Variants in STPG2 observed in about 807,000 individuals in gnomAD.
STPG2 encodes the protein sperm-tail PG-rich repeat-containing protein 2.
STPG2 carries 56 observed loss-of-function variants against 54.2 expected under a neutral mutation model. The ratio of observed to expected loss-of-function variants is 1.03; its 90% confidence interval spans 0.83 to 1.29. The LOEUF (loss-of-function observed/expected upper bound fraction) is 1.29, where lower values mean the gene tolerates loss of function less well. STPG2 is among the 50% of genes most tolerant of loss of function. STPG2 has a pLI of 0.00. For missense variants in STPG2, 596 were observed against 544.9 expected (o/e 1.09, Z -0.93); for synonymous variants, 200 against 181.8 (o/e 1.10, Z -0.81).
chr4:98,069,438 C>T (rs780777161), intron 5 of STPG2, among the ~76,000 whole-genome samples: 8 of 151,904 alleles, frequency 5.3e-5, no homozygotes, highest in Non-Finnish European at 8.8e-5. Context: ...TGATTTGTTG[C>T]AATTAGTGTG....
chr4:97,634,873 C>T (rs2148937377), intron 10 of STPG2, among the ~76,000 whole-genome samples: 1 of 151,496 alleles, frequency 6.6e-6, no homozygotes, highest in East Asian at 1.9e-4. Context: ...ATTGGTGTAC[C>T]TGAAAGTGAT....
chr4:98,104,731 A>G (rs908509737), intron 5 of STPG2, among the ~76,000 whole-genome samples: 3 of 152,164 alleles, frequency 2.0e-5, no homozygotes, highest in Non-Finnish European at 4.4e-5. Flanking sequence ...ACATTTTTTA[A>G]ATTATGTATT....
chr4:97,877,352 C>T (rs1730214807), intron 8 of STPG2, among the ~76,000 whole-genome samples: 2 of 152,098 alleles, frequency 1.3e-5, no homozygotes, highest in African/African-American at 4.8e-5. Flanking sequence ...AGGACATGAA[C>T]ACACATTTCT....
chr4:98,109,251 C>G lies in STPG2; in HGVS notation c.442G>C (p.Gly148Arg), dbSNP rs747040270. 4.3e-6 allele frequency: 7 copies of G among 1,611,272 alleles called. No homozygotes were observed. The Admixed American group carries it at 1.2e-4, about 27-fold the overall frequency. The change falls in exon 4 of 11, where the codon GGA (glycine) becomes CGA (arginine). Residue 148 changes from glycine (G) to arginine (R), a missense_variant. Physicochemically the swap from Gly to Arg is moderately radical, Grantham distance 125. Transcript: ENST00000295268. ...GACTTTTTAGGTAACTCTTGTCTTC[C>G]TGAAGAGTTGCCAAAATGTATACCT... ...YKGIHFGNSSGRQELPKKSGP... is the reference protein window; with the variant it reads ...YKGIHFGNSSRRQELPKKSGP...
intron 5 of STPG2, among the ~76,000 whole-genome samples, chr4:98,035,903 A>C (rs1445757845): frequency 6.6e-6 from 1 of 152,064 alleles, no homozygotes; most frequent in Non-Finnish European, 1.5e-5. Flanking sequence ...CAATGAGAAC[A>C]CATGGACACA....
At position 97,710,560 on chromosome 4, in the gene STPG2, C is replaced by T. The variant is rs544099086; in HGVS notation, c.1320+2139G>A. ...TTTCAAGTATAACTGAATTGCAATT[C>T]TAAATCAATATCATGCATTTCTAGA... On this transcript the variant is annotated intron_variant, in intron 10 of 10. Coordinates refer to ENST00000295268, the MANE Select transcript of STPG2 (RefSeq NM_174952.3). Among the ~76,000 whole-genome samples the T allele has an allele frequency of 9.9e-5, 15 of 152,124 alleles. No individual in the cohort carries two copies. The South Asian group carries it at 3.1e-3, about 32-fold the overall frequency.
chr4:97,549,904 A>T (rs1731927203), intron 4 of STPG2, among the ~76,000 whole-genome samples: 1 of 152,158 alleles, frequency 6.6e-6, no homozygotes, highest in African/African-American at 2.4e-5. Context: ...ATCAAGTTTC[A>T]GGTATAATTT....
intron 1 of STPG2, among the ~76,000 whole-genome samples, chr4:98,141,434 G>A (rs1467239797): frequency 6.6e-6 from 1 of 152,140 alleles, no homozygotes; most frequent in Non-Finnish European, 1.5e-5. Flanking sequence ...TCTGCTATCT[G>A]AGAGTTTCCT....
At chr4:97,832,523 A>C (rs988382754) in intron 9 of STPG2, among the ~76,000 whole-genome samples, 6 of 152,216 alleles carry the variant, frequency 3.9e-5, no homozygotes, top group Non-Finnish European at 5.9e-5. Flanking sequence ...CAGGGCAATC[A>C]GGCAAGAGAA....
At chr4:97,814,069 T>C (rs1727833310) in intron 9 of STPG2, among the ~76,000 whole-genome samples, 1 of 152,110 alleles carries the variant, frequency 6.6e-6, no homozygotes, top group South Asian at 2.1e-4. Context: ...AATGAGATCA[T>C]GAAAAATCAA....
chr4:97,902,650 T>A (rs1389011482), intron 8 of STPG2, among the ~76,000 whole-genome samples: 2 of 152,080 alleles, frequency 1.3e-5, no homozygotes, highest in Non-Finnish European at 2.9e-5. Flanking sequence ...AGGTAACCGG[T>A]GTAGCTGAGG....
intron 8 of STPG2, chr4:97,893,252 T>A (rs763218519): frequency 2.0e-5 from 3 of 151,880 alleles, no homozygotes; most frequent in African/African-American, 7.3e-5. Flanking sequence ...TAAAGAATTA[T>A]AATGGACTAT....
chr4:97,972,154 C>T, intron 7 of STPG2, 126 bp downstream of exon 7: 1 of 567,632 alleles, frequency 1.8e-6, no homozygotes, highest in Non-Finnish European at 2.8e-6. Context: ...CTTTCCTTAA[C>T]ATATGGAACA....
chr4:97,719,646 C>T (rs1176383670), intron 9 of STPG2, among the ~76,000 whole-genome samples: 2 of 151,876 alleles, frequency 1.3e-5, no homozygotes, highest in Non-Finnish European at 2.9e-5. Context: ...ATAATTTTCT[C>T]TGAAATATAT....
At chr4:97,694,468 A>G (rs187772127) in intron 10 of STPG2, among the ~76,000 whole-genome samples, 2 of 152,220 alleles carry the variant, frequency 1.3e-5, no homozygotes, top group East Asian at 3.9e-4. Context: ...AAAAATAGAA[A>G]TGTTGAACAG....
intron 5 of STPG2, among the ~76,000 whole-genome samples, chr4:98,097,414 A>C (rs996090549): frequency 4.6e-5 from 7 of 152,210 alleles, no homozygotes; most frequent in African/African-American, 1.7e-4. Context: ...AAAACATTTG[A>C]TAAAGTTCAA....
chr4:97,571,943 G>A (rs1732612306), intron 10 of STPG2, among the ~76,000 whole-genome samples: 1 of 152,080 alleles, frequency 6.6e-6, no homozygotes, highest in Non-Finnish European at 1.5e-5. Context: ...AACTATCCAA[G>A]GTATATATCT....
chr4:97,702,506 G>T lies in STPG2; in HGVS notation c.1320+10193C>A, dbSNP rs535695148. ...TCTAGTTATAGGTCTAGAAGCAAAT[G>T]GGGGCATTAGGGGTGGCTCCTGAAG... is the stretch of plus-strand genomic sequence containing the variant. On this transcript the variant is annotated intron_variant, in intron 10 of 10. Transcript: ENST00000295268. Among the ~76,000 whole-genome samples the T allele has an allele frequency of 3.3e-5, 5 of 152,234 alleles. No individual in the cohort carries two copies. The South Asian group carries it at 6.2e-4, about 19-fold the overall frequency.
At position 97,694,547 on chromosome 4, in the gene STPG2, G is replaced by A. The variant is rs138862818; in HGVS notation, c.1320+18152C>T. Among the ~76,000 whole-genome samples, 287 of 152,046 alleles carry A rather than the reference G, an allele frequency of 1.9e-3. 2 individuals are homozygous for A. The Middle Eastern group carries it at 0.027, about 14-fold the overall frequency. ...CAACAGGCCAGGTGCAGTGGCTCAC[G>A]CCTGTAATCCCAGCACTTTGGGAGG... is the stretch of plus-strand genomic sequence containing the variant. On this transcript the variant is annotated intron_variant, in intron 10 of 10. Transcript: ENST00000295268.
Sources: gnomAD v4.1 joint callset for allele counts (sites outside exome capture counted in the v4.1 genomes callset) on GRCh38, gnomAD v4.1.1 for gene constraint, MANE v1.5 for transcripts, NCBI Gene and HGNC (gene_info 2026-07-23, HGNC 2026-07-21) for gene names.